Variants in RGS7 observed in about 807,000 individuals in gnomAD.
The protein encoded by RGS7 is regulator of G-protein signaling 7.
Under a neutral mutation model 81.1 loss-of-function variants are expected in RGS7, and 27 were observed. The observed-to-expected ratio is 0.33, with a 90% CI of 0.25 to 0.46. The LOEUF (loss-of-function observed/expected upper bound fraction) is 0.46, where lower values mean the gene tolerates loss of function less well. Ranked by LOEUF, RGS7 falls within the 20% of genes least tolerant of loss-of-function variation. The pLI, the probability that RGS7 is intolerant of heterozygous loss-of-function variation, is 1.00. For synonymous variants in RGS7, 208 were observed against 207.7 expected (o/e 1.00, Z -0.01); for missense variants, 396 against 607.4 (o/e 0.65, Z 3.66).
At chr1:241,114,433 G>A (rs1298392209) in intron 2 of RGS7, among the ~76,000 whole-genome samples, 1 of 151,894 alleles carries the variant, frequency 6.6e-6, no homozygotes, top group Non-Finnish European at 1.5e-5. Flanking sequence ...CCTTGCTACA[G>A]CAAGTGCTGA....
intron 2 of RGS7, among the ~76,000 whole-genome samples, chr1:241,142,349 C>T (rs963182906): frequency 4.6e-5 from 7 of 152,170 alleles, no homozygotes; most frequent in Admixed American, 6.5e-5. Context: ...TTCCCTTTTG[C>T]GCTACCCTAG....
chr1:241,220,862 C>T (rs1185564005), intron 2 of RGS7, among the ~76,000 whole-genome samples: 1 of 150,966 alleles, frequency 6.6e-6, no homozygotes, highest in Admixed American at 6.6e-5. Flanking sequence ...GTTTGCACCA[C>T]TGCACTCCAG....
chr1:240,791,786 C>A (rs1003373584), intron 18 of RGS7, among the ~76,000 whole-genome samples: 3 of 152,158 alleles, frequency 2.0e-5, no homozygotes, highest in Admixed American at 2.0e-4. Flanking sequence ...ATAATAAACC[C>A]AAACTTTACA....
At chr1:241,138,238 A>G (rs2067671325) in intron 2 of RGS7, among the ~76,000 whole-genome samples, 1 of 152,180 alleles carries the variant, frequency 6.6e-6, no homozygotes, top group Non-Finnish European at 1.5e-5. Flanking sequence ...TCAAGCCCTA[A>G]ATTTAATATA....
chr1:240,995,055 A>G (rs1284461109), intron 3 of RGS7, among the ~76,000 whole-genome samples: 1 of 152,136 alleles, frequency 6.6e-6, no homozygotes, highest in Non-Finnish European at 1.5e-5. Flanking sequence ...TATTATGAAT[A>G]AGTTTTGAAT....
At chr1:241,049,263 G>A (rs1488889992) in intron 3 of RGS7, among the ~76,000 whole-genome samples, 1 of 152,144 alleles carries the variant, frequency 6.6e-6, no homozygotes, top group Non-Finnish European at 1.5e-5. Context: ...TGCAAACCTG[G>A]TTTTGGTGCC....
At chr1:241,272,767 C>A (rs770019555) in intron 2 of RGS7, among the ~76,000 whole-genome samples, 2 of 152,116 alleles carry the variant, frequency 1.3e-5, no homozygotes, top group Admixed American at 1.3e-4. Flanking sequence ...CTCTATTTTG[C>A]AAATTGGATA....
Position 240,896,008 on chromosome 1 carries a change from T to C in RGS7, c.386-25889A>G, listed in dbSNP as rs189003049. Among the ~76,000 whole-genome samples, 13 of 152,066 alleles carry C rather than the reference T, an allele frequency of 8.5e-5. No individual in the cohort carries two copies. In the East Asian group the frequency reaches 2.1e-3, roughly 25 times the overall value. On this transcript the variant is annotated intron_variant, in intron 6 of 18. Coordinates refer to ENST00000440928, the MANE Select transcript of RGS7 (RefSeq NM_001364886.1). ...ACTGGTATGAGATGGTATGTCATTA[T>C]GGTTTTGATTTGCATTTCTCTGATG...
intron 2 of RGS7, among the ~76,000 whole-genome samples, chr1:241,172,772 A>G (rs1258890675): frequency 6.6e-6 from 1 of 152,216 alleles, no homozygotes; most frequent in African/African-American, 2.4e-5. Flanking sequence ...CAAGAAAGAA[A>G]ATTTTATTTT....
At chr1:241,249,672 A>T (rs2076734432) in intron 2 of RGS7, among the ~76,000 whole-genome samples, 1 of 152,160 alleles carries the variant, frequency 6.6e-6, no homozygotes, top group Admixed American at 6.6e-5. Flanking sequence ...CTGACATACT[A>T]ATCATATCAC....
intron 9 of RGS7, among the ~76,000 whole-genome samples, chr1:240,858,693 T>C (rs1343203073): frequency 6.6e-6 from 1 of 152,204 alleles, no homozygotes; most frequent in Admixed American, 6.5e-5. Flanking sequence ...TTTTATAGAG[T>C]AAAAGATTTT....
intron 3 of RGS7, among the ~76,000 whole-genome samples, chr1:241,030,864 T>A (rs1014721069): frequency 6.6e-6 from 1 of 152,200 alleles, no homozygotes; most frequent in Non-Finnish European, 1.5e-5. Context: ...GATCAGGCGA[T>A]GGTAGGCTCA....
At chr1:241,069,826 A>G (rs2062322402) in intron 3 of RGS7, among the ~76,000 whole-genome samples, 2 of 152,272 alleles carry the variant, frequency 1.3e-5, no homozygotes, top group African/African-American at 4.8e-5. Context: ...AAATGAAAGA[A>G]GAAAAACAAT....
intron 4 of RGS7, among the ~76,000 whole-genome samples, chr1:240,944,477 T>C (rs934740072): frequency 3.3e-5 from 5 of 151,870 alleles, no homozygotes; most frequent in South Asian, 2.1e-4. Context: ...AAATTCAGTA[T>C]ACATTCTGCA....
intron 2 of RGS7, among the ~76,000 whole-genome samples, chr1:241,231,541 T>C (rs1356807214): frequency 6.6e-6 from 1 of 151,500 alleles, no homozygotes; most frequent in African/African-American, 2.4e-5. Context: ...GTATTTTTAG[T>C]AGAGACAGGG....
chr1:241,088,017 TACACACACACATATATATATACAC>T (rs1558698202), intron 3 of RGS7, among the ~76,000 whole-genome samples: 3,650 of 115,440 alleles, frequency 0.032, 196 homozygotes, highest in African/African-American at 0.13. Flanking sequence ...CATATATATA[TACACACACACATATATATATACAC>T]ACATATATAT....
intron 3 of RGS7, among the ~76,000 whole-genome samples, chr1:241,080,035 G>A (rs2148893219): frequency 6.6e-6 from 1 of 152,118 alleles, no homozygotes; most frequent in South Asian, 2.1e-4. Flanking sequence ...AAACAAATTT[G>A]CAATATTGCC....
intron 2 of RGS7, among the ~76,000 whole-genome samples, chr1:241,191,683 T>C (rs1476682497): frequency 2.0e-5 from 3 of 152,236 alleles, no homozygotes; most frequent in Non-Finnish European, 2.9e-5. Context: ...TGTTAATTTT[T>C]CTTTAAGCTT....
chr1:241,094,551 C>T (rs753176141), intron 3 of RGS7, among the ~76,000 whole-genome samples: 12 of 152,158 alleles, frequency 7.9e-5, no homozygotes, highest in Non-Finnish European at 1.5e-4. Flanking sequence ...TCCAAAGATA[C>T]TGTCCTATGG....
Sources: gnomAD v4.1 joint callset for allele counts (sites outside exome capture counted in the v4.1 genomes callset) on GRCh38, gnomAD v4.1.1 for gene constraint, MANE v1.5 for transcripts, NCBI Gene and HGNC (gene_info 2026-07-23, HGNC 2026-07-21) for gene names.